SLC23A2: variants seen among roughly 807,000 people sequenced by gnomAD.
SLC23A2 encodes the protein solute carrier family 23 member 2, also known as Na(+)/L-ascorbic acid transporter 2.
A neutral mutation model predicts 73.3 loss-of-function variants in SLC23A2; 36 were observed. The ratio of observed to expected loss-of-function variants is 0.49; its 90% CI spans 0.38 to 0.65. The LOEUF (loss-of-function observed/expected upper bound fraction) is 0.65, where lower values mean the gene tolerates loss of function less well. SLC23A2 is among the 30% of genes least tolerant of loss of function. SLC23A2 has a pLI of 0.00. For missense variants in SLC23A2, 507 were observed against 841.6 expected (o/e 0.60, Z 4.92); for synonymous variants, 343 against 327.3 (o/e 1.05, Z -0.52).
chr20:5,005,232 C>T (rs2088178711), upstream of SLC23A2, among the ~76,000 whole-genome samples: 2 of 151,602 alleles, frequency 1.3e-5, no homozygotes, highest in Non-Finnish European at 2.9e-5. Context: ...ATATAAAGTG[C>T]TTATTCAGTG....
At chr20:4,949,650 C>A (rs1377594450) in intron 2 of SLC23A2, among the ~76,000 whole-genome samples, 1 of 152,154 alleles carries the variant, frequency 6.6e-6, no homozygotes. Flanking sequence ...CAGTCACACA[C>A]ACACAGGCGC....
chr20:4,866,735 T>C (rs966703643), intron 13 of SLC23A2, among the ~76,000 whole-genome samples: 1 of 152,142 alleles, frequency 6.6e-6, no homozygotes, highest in Non-Finnish European at 1.5e-5. Flanking sequence ...TAGTATCTGG[T>C]TTCTCTTTAT....
chr20:4,876,623 CT>C (rs1930664812), intron 9 of SLC23A2, among the ~76,000 whole-genome samples: 2 of 152,084 alleles, frequency 1.3e-5, no homozygotes, highest in Non-Finnish European at 2.9e-5. Flanking sequence ...TGCTTCCCAC[CT>C]CATGTTTACC....
intron 6 of SLC23A2, among the ~76,000 whole-genome samples, chr20:4,891,350 C>G (rs535246391): frequency 6.6e-6 from 1 of 152,182 alleles, no homozygotes; most frequent in African/African-American, 2.4e-5. Context: ...TACCAGCTAA[C>G]AGAGGAAGGG....
At chr20:4,897,287 C>T (rs377384826) in intron 6 of SLC23A2, among the ~76,000 whole-genome samples, 8 of 152,204 alleles carry the variant, frequency 5.3e-5, no homozygotes, top group East Asian at 3.9e-4. Context: ...CCTGCACCTG[C>T]CCAGCAGCAC....
At chr20:4,905,693 GA>G (rs1568617974) in intron 4 of SLC23A2, among the ~76,000 whole-genome samples, 1 of 152,142 alleles carries the variant, frequency 6.6e-6, no homozygotes, top group African/African-American at 2.4e-5. Flanking sequence ...CTTTGGGGTC[GA>G]TTGTAGTCTC....
chr20:4,978,624 C>T (rs958255061), intron 1 of SLC23A2, among the ~76,000 whole-genome samples: 3 of 152,132 alleles, frequency 2.0e-5, no homozygotes, highest in Non-Finnish European at 2.9e-5. Flanking sequence ...GAGTCTTATC[C>T]CCAGTTGGAG....
rs1929620146 is a variant in SLC23A2 at position 4,853,950 on chromosome 20, G to T, written c.*3022C>A. The T allele has an allele frequency of 6.6e-6, 1 of 152,230 alleles. No individual in the cohort carries two copies. The highest frequency in any genetic ancestry group is 2.4e-5 in the African/African-American group (1 of 41,450). 9.4% of individuals were successfully genotyped at this position (152,230 alleles called of 1,614,324 possible). A position where few individuals can be genotyped will look rare whatever the true frequency, so the allele number is the denominator to read the frequency against. On this transcript the variant is annotated 3_prime_UTR_variant, in exon 17 of 17. Coordinates refer to ENST00000338244, the MANE Select transcript of SLC23A2 (RefSeq NM_005116.6). Reference sequence around the variant, plus strand: ...CTTCCCATTATTCTGTGAAGCAGGGGTGGGGGCCCTCCATCCCCCACTGTG... The same window carrying T: ...CTTCCCATTATTCTGTGAAGCAGGGTTGGGGGCCCTCCATCCCCCACTGTG...
chr20:4,862,904 C>G lies in SLC23A2; in HGVS notation c.1360G>C (p.Gly454Arg). Residue 454 changes from glycine (G) to arginine (R), a missense_variant, in exon 14 of 17, where the codon GGC becomes CGC. This residue lies in a region of SLC23A2 where 168 missense variants were observed against 302.3 expected (regional missense o/e 0.56). Coordinates refer to ENST00000338244, the MANE Select transcript of SLC23A2 (RefSeq NM_005116.6). The surrounding 1 kb of genome is among the most constrained non-coding windows in gnomAD (Gnocchi z 5.1). Reference sequence around the variant, plus strand: ...CCGCACTGTATCACGCGGCGGCTGCCGACCTGCAGAACACACAGGAGACTG... The same window carrying G: ...CCGCACTGTATCACGCGGCGGCTGCGGACCTGCAGAACACACAGGAGACTG... ...NIGVLGITKVGSRRVIQCGAA... is the reference protein window; with the variant it reads ...NIGVLGITKVRSRRVIQCGAA... The G allele has an allele frequency of 6.2e-7, 1 of 1,609,242 alleles. No homozygotes were observed. Among genetic ancestry groups the G allele is most frequent in the Non-Finnish European group, 8.5e-7 (1 of 1,176,648 alleles).
In SLC23A2 at chr20:4,861,934, G is replaced by A; in HGVS notation, c.1624+14C>T. ...TCCAGCTCCCACTCCAAGATGTAAA[G>A]CCCATTTCCTCACCTGTGACCAGAG... On this transcript the variant is annotated intron_variant, in intron 15 of 16. Coordinates refer to ENST00000338244, the MANE Select transcript of SLC23A2 (RefSeq NM_005116.6). The A allele has an allele frequency of 1.9e-6, 3 of 1,613,480 alleles. No individual in the cohort carries two copies. The South Asian group carries it at 3.3e-5, about 18-fold the overall frequency.
chr20:4,891,917 A>T (rs1288435277), intron 6 of SLC23A2, among the ~76,000 whole-genome samples: 3 of 150,286 alleles, frequency 2.0e-5, no homozygotes, highest in Non-Finnish European at 4.4e-5. Flanking sequence ...CACCTGGCTA[A>T]TTTTTTTTTA....
chr20:4,892,798 A>G (rs1435484256), intron 6 of SLC23A2, among the ~76,000 whole-genome samples: 1 of 152,160 alleles, frequency 6.6e-6, no homozygotes, highest in Non-Finnish European at 1.5e-5. Context: ...CTTTTTAAAA[A>G]GATGATGACG....
intron 13 of SLC23A2, among the ~76,000 whole-genome samples, chr20:4,864,482 T>C (rs1260098705): frequency 2.6e-5 from 4 of 152,156 alleles, no homozygotes; most frequent in African/African-American, 9.6e-5. Context: ...AGGGAAGCAA[T>C]GGAAAAGATC....
intron 2 of SLC23A2, among the ~76,000 whole-genome samples, chr20:4,967,980 G>A (rs1349547504): frequency 6.6e-6 from 1 of 152,132 alleles, no homozygotes; most frequent in Non-Finnish European, 1.5e-5. Context: ...TGATATTTTA[G>A]GATCTGTACT....
At chr20:4,870,485 G>A (rs1930401666) in intron 11 of SLC23A2, among the ~76,000 whole-genome samples, 1 of 152,064 alleles carries the variant, frequency 6.6e-6, no homozygotes, top group Non-Finnish European at 1.5e-5. Context: ...GCTGAGGCAG[G>A]AGAATCACTT....
chr20:4,880,665 C>T (rs1930846248), intron 9 of SLC23A2, among the ~76,000 whole-genome samples: 2 of 151,718 alleles, frequency 1.3e-5, no homozygotes, highest in African/African-American at 4.8e-5. Context: ...GAAGAGGTTC[C>T]AGAAAGAGAC....
chr20:4,883,582 T>C lies in SLC23A2; in HGVS notation c.824+60A>G. The C allele has an allele frequency of 8.5e-7, 1 of 1,173,910 alleles. No homozygotes were observed. Among genetic ancestry groups the C allele is most frequent in the South Asian group, 1.5e-5 (1 of 68,258 alleles). 72.7% of individuals were successfully genotyped at this position (1,173,910 alleles called of 1,614,324 possible). A position where few individuals can be genotyped will look rare whatever the true frequency, so the allele number is the denominator to read the frequency against. On this transcript the variant is annotated intron_variant, in intron 9 of 16. Transcript: ENST00000338244. This position sits in a 1 kb window ranked among gnomAD's most constrained non-coding sequence, Gnocchi z 4.5. ...GAAAAACATTATCTCCTGAAGTCTG[T>C]GTGAATGTTCCTAAAGGCTGCCCCG... is the stretch of plus-strand genomic sequence containing the variant.
At chr20:4,968,112 A>G (rs1352642219) in intron 2 of SLC23A2, among the ~76,000 whole-genome samples, 1 of 152,222 alleles carries the variant, frequency 6.6e-6, no homozygotes, top group African/African-American at 2.4e-5. Context: ...CTGATTGTAC[A>G]GTCCGGACAC....
chr20:4,933,654 G>A (rs1307216585), intron 2 of SLC23A2, among the ~76,000 whole-genome samples: 2 of 151,722 alleles, frequency 1.3e-5, no homozygotes, highest in South Asian at 2.1e-4. Flanking sequence ...AAAATGAGAG[G>A]GCACAGAGGA....
Sources: gnomAD v4.1 joint callset for allele counts (sites outside exome capture counted in the v4.1 genomes callset) on GRCh38, gnomAD v4.1.1 for gene constraint, gnomAD v4.1.1 regional missense constraint, Gnocchi (gnomAD v3.1) non-coding constraint, MANE v1.5 for transcripts, NCBI Gene and HGNC (gene_info 2026-07-23, HGNC 2026-07-21) for gene names.